The following RUSC2 variants were observed in gnomAD, a reference collection of about 807,000 sequenced individuals.
RUSC2 encodes RUN and SH3 domain containing 2.
A neutral mutation model predicts 122.2 loss-of-function variants in RUSC2; 34 were observed. The observed-to-expected ratio is 0.28, with a 90% CI of 0.21 to 0.37. The LOEUF (loss-of-function observed/expected upper bound fraction) is 0.37. RUSC2 is among the 10% of genes least tolerant of loss of function. The probability of loss-of-function intolerance (pLI) is 1.00; values close to 1 mark genes in which losing one functional copy is unlikely to be tolerated. For missense variants in RUSC2, 1,747 were observed against 1,952.4 expected, an observed-to-expected ratio of 0.89 and a Z score of 1.98; for synonymous variants, 784 against 790.0, an observed-to-expected ratio of 0.99 and a Z score of 0.13.
At chr9:35,531,401 GAAGGT>G (rs1821416430) in intron 1 of RUSC2, among the ~76,000 whole-genome samples, 2 of 152,202 alleles carry the variant, frequency 1.3e-5, no homozygotes, top group South Asian at 4.1e-4. Flanking sequence ...AAGAGACAAC[GAAGGT>G]AAGAAAACTA....
chr9:35,502,892 C>T lies in RUSC2; in HGVS notation c.-93+12720C>T, dbSNP rs901563310. ...TTTGTTTTTTTGAGACGGAGTTTTG[C>T]TCTTGCTGCCCAGTCTGAAGTGCAG... On this transcript the variant is annotated intron_variant, in intron 1 of 11. Transcript: ENST00000361226. 1.3e-4 allele frequency among the ~76,000 whole-genome samples: 20 copies of T among 151,912 alleles called. 1 individual carries two copies. Among genetic ancestry groups the T allele is most frequent in the Admixed American group, 1.1e-3 (17 of 15,224 alleles).
chr9:35,547,406 C>T lies in RUSC2; in HGVS notation c.885C>T (p.Pro295=), dbSNP rs1449899490. ...STLYNKMHGT[P]RANLNSAPQS... ...TCTACAACAAGATGCATGGCACCCC[C>T]CGTGCCAATCTCAACTCTGCCCCAC... The change falls in exon 2 of 12, where the codon CCC becomes CCT. Residue 295 remains proline (P), a synonymous_variant. Transcript: ENST00000361226. This position sits in a 1 kb window ranked among gnomAD's most constrained non-coding sequence, Gnocchi z 4.6. 2 of 1,614,088 alleles carry T rather than the reference C, an allele frequency of 1.2e-6. No homozygotes were observed. The highest frequency in any genetic ancestry group is 1.7e-6 in the Non-Finnish European group (2 of 1,180,040).
At position 35,557,910 on chromosome 9, in the gene RUSC2, G is replaced by A; in HGVS notation, c.2984-4G>A. 2 of 1,614,060 alleles carry A rather than the reference G, an allele frequency of 1.2e-6. No individual in the cohort carries two copies. The highest frequency in any genetic ancestry group is 1.1e-5 in the South Asian group (1 of 91,072). ...GACCTGTCACATCACATTCTTCCCTGCAGGGCTGGTAAAAGCTGTTAACAT... is the reference window on the plus strand; with the variant it reads ...GACCTGTCACATCACATTCTTCCCTACAGGGCTGGTAAAAGCTGTTAACAT... On this transcript the variant is annotated splice_polypyrimidine_tract_variant and splice_region_variant and intron_variant, in intron 5 of 11. Coordinates refer to ENST00000361226, the MANE Select transcript of RUSC2 (RefSeq NM_014806.5). The surrounding 1 kb of genome is among the most constrained non-coding windows in gnomAD (Gnocchi z 4.6).
intron 1 of RUSC2, among the ~76,000 whole-genome samples, chr9:35,544,766 T>C (rs755923033): frequency 3.3e-5 from 5 of 152,238 alleles, no homozygotes; most frequent in Non-Finnish European, 5.9e-5. Context: ...TTGGTTCTTA[T>C]GGAGTCCAAT....
chr9:35,560,898 G>A (rs956881193), intron 10 of RUSC2, 47 bp downstream of exon 10: 3 of 1,585,940 alleles, frequency 1.9e-6, no homozygotes, highest in African/African-American at 2.7e-5. Context: ...GGAGCCTGCT[G>A]TAAGCCAGGG....
intron 1 of RUSC2, among the ~76,000 whole-genome samples, chr9:35,543,286 C>T (rs1587858805): frequency 6.6e-6 from 1 of 151,980 alleles, no homozygotes; most frequent in African/African-American, 2.4e-5. Flanking sequence ...ATTAGCCAGG[C>T]GTGGTGGCAC....
rs767775714 is a variant in RUSC2 at position 35,558,041 on chromosome 9, T to TC, written c.3060+54dup. The TC allele has an allele frequency of 2.5e-5, 40 of 1,588,872 alleles. No homozygotes were observed. In the South Asian group the frequency reaches 4.2e-4, roughly 17 times the overall value. On this transcript the variant is annotated intron_variant, in intron 6 of 11. Transcript: ENST00000361226. This position sits in a 1 kb window ranked among gnomAD's most constrained non-coding sequence, Gnocchi z 4.3. ...AGCTCTGCCTGCAAGCCCTCACCTG[T>TC]CCCGCGCTACCACCTTCCCTTGCTG...
At chr9:35,543,867 G>A (rs1392408494) in intron 1 of RUSC2, among the ~76,000 whole-genome samples, 3 of 152,184 alleles carry the variant, frequency 2.0e-5, no homozygotes, top group Admixed American at 1.3e-4. Context: ...GACTGGCTTC[G>A]ATTGTGCCCA....
chr9:35,510,329 T>C (rs908142762), intron 1 of RUSC2, among the ~76,000 whole-genome samples: 8 of 152,174 alleles, frequency 5.3e-5, no homozygotes, highest in South Asian at 2.1e-4. Flanking sequence ...TTTGCCAACA[T>C]AGTGAGACCC....
At chr9:35,531,255 T>C (rs983376998) in intron 1 of RUSC2, among the ~76,000 whole-genome samples, 1 of 151,650 alleles carries the variant, frequency 6.6e-6, no homozygotes, top group Non-Finnish European at 1.5e-5. Context: ...AGCAAGACTC[T>C]CTCTCAAAAA....
At position 35,558,016 on chromosome 9, in the gene RUSC2, A is replaced by C; in HGVS notation, c.3060+26A>C. ...GTAGGCAAGGAAATGTGGAGAGCTG[A>C]GCTCTGCCTGCAAGCCCTCACCTGT... On this transcript the variant is annotated intron_variant, in intron 6 of 11. Transcript: ENST00000361226. The surrounding 1 kb of genome is among the most constrained non-coding windows in gnomAD (Gnocchi z 4.3). 1 of 1,609,838 alleles carries C rather than the reference A, an allele frequency of 6.2e-7. No individual in the cohort carries two copies. The highest frequency in any genetic ancestry group is 8.5e-7 in the Non-Finnish European group (1 of 1,176,102).
intron 1 of RUSC2, among the ~76,000 whole-genome samples, chr9:35,519,817 A>G (rs1821178514): frequency 6.6e-6 from 1 of 152,190 alleles, no homozygotes; most frequent in African/African-American, 2.4e-5. Context: ...TTTTACTTCA[A>G]GCTTTTCAGG....
In RUSC2 at chr9:35,556,535, T is replaced by TAAGTGCTGGCTGGGCCCTCC. The variant is rs1335842199; in HGVS notation, c.2983+104_2983+105insTCCAAGTGCTGGCTGGGCCC. The TAAGTGCTGGCTGGGCCCTCC allele has an allele frequency of 2.9e-5, 44 of 1,525,748 alleles. No homozygotes were observed. The African/African-American group carries it at 5.4e-4, about 19-fold the overall frequency. 94.5% of individuals were successfully genotyped at this position (1,525,748 alleles called of 1,614,324 possible). ...TACTACCTAGCCAGTCTGAAACCTC[T>TAAGTGCTGGCTGGGCCCTCC]AAGTGCTGGCTGGGCCCAGTGGCTC... On this transcript the variant is annotated intron_variant, in intron 5 of 11. Coordinates refer to ENST00000361226, the MANE Select transcript of RUSC2 (RefSeq NM_014806.5).
At chr9:35,503,710 C>CGTTCCCA (rs1453453818) in intron 1 of RUSC2, among the ~76,000 whole-genome samples, 25 of 54,590 alleles carry the variant, frequency 4.6e-4, no homozygotes, top group Admixed American at 1.6e-3. Context: ...TACCAGTTTA[C>CGTTCCCA]ATTCCCAATA....
chr9:35,544,585 C>G (rs938120011), intron 1 of RUSC2, among the ~76,000 whole-genome samples: 1 of 152,116 alleles, frequency 6.6e-6, no homozygotes, highest in Non-Finnish European at 1.5e-5. Context: ...GGATTACGGG[C>G]GTGAGCCACT....
chr9:35,531,893 G>A (rs1821426661), intron 1 of RUSC2, among the ~76,000 whole-genome samples: 1 of 152,086 alleles, frequency 6.6e-6, no homozygotes, highest in African/African-American at 2.4e-5. Flanking sequence ...AGGCGTGGTG[G>A]CGGGCGCCTG....
intron 1 of RUSC2, among the ~76,000 whole-genome samples, chr9:35,513,529 C>A (rs1179583472): frequency 1.3e-5 from 2 of 151,618 alleles, no homozygotes; most frequent in Non-Finnish European, 1.5e-5. Context: ...AGGCATGAGC[C>A]ACTGCACCCA....
chr9:35,492,372 A>G (rs1301744142), intron 1 of RUSC2, among the ~76,000 whole-genome samples: 2 of 152,150 alleles, frequency 1.3e-5, no homozygotes. Flanking sequence ...GCACCCTGCT[A>G]AAAGTCACTT....
intron 1 of RUSC2, among the ~76,000 whole-genome samples, chr9:35,525,021 G>T (rs1821298371): frequency 6.6e-6 from 1 of 151,822 alleles, no homozygotes; most frequent in African/African-American, 2.4e-5. Flanking sequence ...ATAAAAATGA[G>T]CCATTTAAAA....
Sources: allele counts gnomAD v4.1 joint callset (sites outside exome capture counted in the v4.1 genomes callset), GRCh38; gene constraint gnomAD v4.1.1; non-coding constraint Gnocchi (gnomAD v3.1); transcripts MANE v1.5; gene names NCBI Gene and HGNC (gene_info 2026-07-23, HGNC 2026-07-21).